ZYG11B: variants seen among roughly 807,000 people sequenced by gnomAD.
ZYG11B encodes the protein protein zyg-11 homolog B.
A neutral mutation model predicts 82.4 loss-of-function variants in ZYG11B; 36 were observed. That is an observed-to-expected ratio of 0.44 (90% CI 0.33 to 0.58). ZYG11B has a LOEUF of 0.58. Ranked by LOEUF, ZYG11B falls within the 20% of genes least tolerant of loss-of-function variation. The probability of loss-of-function intolerance (pLI) is 0.02; values close to 1 mark genes in which losing one functional copy is unlikely to be tolerated. For synonymous variants in ZYG11B, 303 were observed against 312.8 expected, an observed-to-expected ratio of 0.97 and a Z score of 0.33; for missense variants, 552 against 895.6, an observed-to-expected ratio of 0.62 and a Z score of 4.90.
At position 52,816,577 on chromosome 1, in the gene ZYG11B, A is replaced by C; in HGVS notation, c.1992A>C (p.Pro664=). The part of the protein sequence containing the change: ...FFPLLGCFTT[P]GVQLWAVWAM... ...CATTACTTGGCTGTTTCACAACACC[A>C]GGAGTTCAGCTATGGGCAGTTTGGG... The change falls in exon 13 of 14, where the codon CCA becomes CCC. Residue 664 remains proline, a synonymous_variant. Transcript: ENST00000294353. 6 of 1,613,446 alleles carry C rather than the reference A, an allele frequency of 3.7e-6. No individual in the cohort carries two copies. Among genetic ancestry groups the C allele is most frequent in the Non-Finnish European group, 5.1e-6 (6 of 1,179,896 alleles).
chr1:52,726,978 C>T (rs1644289860), intron 1 of ZYG11B, among the ~76,000 whole-genome samples: 2 of 151,990 alleles, frequency 1.3e-5, no homozygotes, highest in Admixed American at 6.6e-5. Flanking sequence ...ACTCCTTGTC[C>T]TTTAACCCTA....
intron 5 of ZYG11B, among the ~76,000 whole-genome samples, chr1:52,786,079 T>C (rs1644909693): frequency 6.6e-6 from 1 of 152,100 alleles, no homozygotes; most frequent in African/African-American, 2.4e-5. Context: ...AAGGAAGGAA[T>C]AACAAAGATG....
chr1:52,801,292 C>CT (rs71579949), intron 8 of ZYG11B, among the ~76,000 whole-genome samples: 10,008 of 151,886 alleles, frequency 0.066, 512 homozygotes, highest in African/African-American at 0.14. Context: ...TTTTTCCTTT[C>CT]TTTTTTTTCT....
intron 10 of ZYG11B, among the ~76,000 whole-genome samples, chr1:52,804,852 G>A (rs1022374000): frequency 6.6e-6 from 1 of 151,968 alleles, no homozygotes; most frequent in Non-Finnish European, 1.5e-5. Flanking sequence ...AGCACTTTGG[G>A]AGGCTGAGAC....
chr1:52,737,227 C>G (rs953094743), intron 1 of ZYG11B, among the ~76,000 whole-genome samples: 2 of 152,212 alleles, frequency 1.3e-5, no homozygotes, highest in Non-Finnish European at 2.9e-5. Context: ...TATGCCCTAC[C>G]TCCTTTGTGA....
chr1:52,801,525 A>G (rs1442350800), intron 8 of ZYG11B, among the ~76,000 whole-genome samples: 1 of 119,896 alleles, frequency 8.3e-6, no homozygotes, highest in East Asian at 3.8e-4. Flanking sequence ...AATCTAAAAT[A>G]AGTATATGCT....
chr1:52,800,275 C>CAAAAAAA (rs71579948), intron 8 of ZYG11B, among the ~76,000 whole-genome samples: 1 of 120,070 alleles, frequency 8.3e-6, no homozygotes. Context: ...GATTCCATGT[C>CAAAAAAA]AAAAAAAAAA....
At position 52,817,771 on chromosome 1, in the gene ZYG11B, A is replaced by ATATG. The variant is rs1204683179; in HGVS notation, c.2044+1144_2044+1147dup. 3.0e-3 allele frequency among the ~76,000 whole-genome samples: 87 copies of ATATG among 29,228 alleles called. 1 individual carries two copies. The highest frequency in any genetic ancestry group is 0.019 in the African/African-American group (79 of 4,060). The allele number at this position is 29,228 out of a possible 152,430, so 19.2% of individuals were successfully genotyped here. On this transcript the variant is annotated intron_variant, in intron 13 of 13. Transcript: ENST00000294353. The stretch of plus-strand genomic sequence containing the variant: ...CACTTTAATAGTAAAGTGTGTATAT[A>ATATG]TATGTGTATATATATATATATATAT...
At chr1:52,730,386 G>T (rs1048659367) in intron 1 of ZYG11B, among the ~76,000 whole-genome samples, 1 of 152,026 alleles carries the variant, frequency 6.6e-6, no homozygotes, top group Middle Eastern at 3.2e-3. Flanking sequence ...GAGTGCAGCG[G>T]CGTGATTACG....
rs1645332480 is a variant in ZYG11B at position 52,827,279 on chromosome 1, G to T, written c.*5650G>T. The stretch of plus-strand genomic sequence containing the variant: ...AGGACATCACTTAAGTATTAATGTT[G>T]TGTGTACAGATTTTTGTTTTGGGAT... On this transcript the variant is annotated 3_prime_UTR_variant, in exon 14 of 14. Coordinates refer to ENST00000294353, the MANE Select transcript of ZYG11B (RefSeq NM_024646.3). The T allele has an allele frequency of 6.6e-6, 1 of 152,152 alleles. No individual in the cohort carries two copies. The highest frequency in any genetic ancestry group is 2.4e-5 in the African/African-American group (1 of 41,444). 9.4% of individuals were successfully genotyped at this position (152,152 alleles called of 1,614,324 possible).
intron 3 of ZYG11B, among the ~76,000 whole-genome samples, chr1:52,779,207 A>T (rs7534876): frequency 2.6e-5 from 4 of 152,168 alleles, no homozygotes; most frequent in African/African-American, 9.7e-5. Flanking sequence ...AAGGTCATAC[A>T]GTTATAACAT....
In ZYG11B at chr1:52,771,118, C is replaced by A. The variant is rs374086420; in HGVS notation, c.295C>A (p.Arg99=). The A allele has an allele frequency of 6.2e-7, 1 of 1,614,140 alleles. No individual in the cohort carries two copies. The highest frequency in any genetic ancestry group is 8.5e-7 in the Non-Finnish European group (1 of 1,180,028). ...RKAKISAVAF[R]KAFCHHKLVE... ...AGCAAAGATCTCTGCTGTTGCTTTC[C>A]GGAAAGCTTTCTGCCACCACAAGTT... Residue 99 remains arginine, a synonymous_variant, in exon 3 of 14, where the codon CGG becomes AGG. Coordinates refer to ENST00000294353, the MANE Select transcript of ZYG11B (RefSeq NM_024646.3). This position sits in a 1 kb window ranked among gnomAD's most constrained non-coding sequence, Gnocchi z 5.4.
rs1316068378 is a variant in ZYG11B, at chr1:52,825,960, C to T, written c.*4331C>T. On this transcript the variant is annotated 3_prime_UTR_variant, in exon 14 of 14. Transcript: ENST00000294353. ...GTTTTTAAACTATAGAACAATACCCCTATAGAACAATGTACAGCTGCACCC... is the reference window on the plus strand; with the variant it reads ...GTTTTTAAACTATAGAACAATACCCTTATAGAACAATGTACAGCTGCACCC... 6.6e-6 allele frequency: 1 copy of T among 151,684 alleles called. No individual in the cohort carries two copies. The highest frequency in any genetic ancestry group is 2.1e-4 in the South Asian group (1 of 4,818). 9.4% of individuals were successfully genotyped at this position (151,684 alleles called of 1,614,324 possible). A position where few individuals can be genotyped will look rare whatever the true frequency, so the allele number is the denominator to read the frequency against.
intron 3 of ZYG11B, among the ~76,000 whole-genome samples, chr1:52,776,227 A>ATATATATATATATATATATATATATATAT (rs1553260249): frequency 4.1e-3 from 12 of 2,930 alleles, no homozygotes; most frequent in Non-Finnish European, 0.018. Context: ...CTTAAAAAAA[A>ATATATATATATATATATATATATATATAT]AAATATATAT....
chr1:52,793,174 A>T (rs1644973788), intron 6 of ZYG11B, among the ~76,000 whole-genome samples: 1 of 151,920 alleles, frequency 6.6e-6, no homozygotes, highest in Non-Finnish European at 1.5e-5. Flanking sequence ...TACAGATAAG[A>T]ATGTTGAAGT....
chr1:52,741,463 T>G (rs919678623), intron 1 of ZYG11B, among the ~76,000 whole-genome samples: 4 of 152,090 alleles, frequency 2.6e-5, no homozygotes, highest in Admixed American at 6.5e-5. Flanking sequence ...TGCCTTTCAG[T>G]TTCATTTTGG....
chr1:52,758,148 G>C (rs1210520783), intron 2 of ZYG11B, among the ~76,000 whole-genome samples: 1 of 147,228 alleles, frequency 6.8e-6, no homozygotes, highest in Non-Finnish European at 1.5e-5. Flanking sequence ...GCAGTGAGTC[G>C]AGATTGTGCC....
chr1:52,738,091 T>C (rs2149919739), intron 1 of ZYG11B, among the ~76,000 whole-genome samples: 1 of 152,366 alleles, frequency 6.6e-6, no homozygotes, highest in African/African-American at 2.4e-5. Context: ...CACTTGTCTA[T>C]ATAATTTGTA....
At chr1:52,772,263 A>G (rs1644759252) in intron 3 of ZYG11B, 3 of 1,326,806 alleles carry the variant, frequency 2.3e-6, no homozygotes, top group South Asian at 2.4e-5. Context: ...GCTTGGTCTT[A>G]TAATATTGAG....
Sources: gnomAD v4.1 joint callset for allele counts (sites outside exome capture counted in the v4.1 genomes callset) on GRCh38, gnomAD v4.1.1 for gene constraint, Gnocchi (gnomAD v3.1) non-coding constraint, MANE v1.5 for transcripts, NCBI Gene and HGNC (gene_info 2026-07-23, HGNC 2026-07-21) for gene names.